MEI1: variants seen among roughly 807,000 people sequenced by gnomAD.
MEI1 encodes the protein meiosis inhibitor protein 1.
In MEI1, 103 loss-of-function variants were observed where a neutral mutation model predicts 146.2. The ratio of observed to expected loss-of-function variants is 0.70; its 90% CI spans 0.60 to 0.83. The LOEUF (loss-of-function observed/expected upper bound fraction) is 0.83. Ranked by LOEUF, MEI1 falls within the 40% of genes least tolerant of loss-of-function variation. The probability of loss-of-function intolerance (pLI) is 0.00; values close to 1 mark genes in which losing one functional copy is unlikely to be tolerated. For missense variants in MEI1, 1,529 were observed against 1,533.0 expected (o/e 1.00, Z 0.04); for synonymous variants, 652 against 628.2 (o/e 1.04, Z -0.57).
intron 20 of MEI1, among the ~76,000 whole-genome samples, chr22:41,771,266 A>G (rs1375502840): frequency 6.6e-6 from 1 of 152,182 alleles, no homozygotes; most frequent in Non-Finnish European, 1.5e-5. Context: ...CCTCCCTGTC[A>G]TCTCTCAAGC....
intron 16 of MEI1, among the ~76,000 whole-genome samples, chr22:41,753,250 C>T (rs1182088435): frequency 5.9e-5 from 9 of 152,104 alleles, no homozygotes; most frequent in African/African-American, 1.9e-4. Context: ...GATCCGCCCG[C>T]CTTGGCCTCC....
intron 9 of MEI1, among the ~76,000 whole-genome samples, 153 bp downstream of exon 9, chr22:41,730,790 A>G (rs1480397807): frequency 6.6e-6 from 1 of 152,140 alleles, no homozygotes. Flanking sequence ...CAGATTTCAT[A>G]TGCAAGTATT....
intron 5 of MEI1, 93 bp downstream of exon 5, chr22:41,716,239 A>G: frequency 1.2e-6 from 1 of 826,434 alleles, no homozygotes; most frequent in Non-Finnish European, 2.0e-6. Context: ...ACACCTGGGA[A>G]GTCATTACTT....
At chr22:41,796,586 A>C (rs999669393) in intron 30 of MEI1, among the ~76,000 whole-genome samples, 1 of 152,138 alleles carries the variant, frequency 6.6e-6, no homozygotes, top group African/African-American at 2.4e-5. Context: ...TAGAAATCCA[A>C]AGTGCTCCAA....
At chr22:41,709,635 G>A (rs1192075175) in intron 3 of MEI1, 1 of 385,592 alleles carries the variant, frequency 2.6e-6, no homozygotes, top group East Asian at 6.6e-5. Context: ...GGTTGCTGAT[G>A]TTTTTCATTA....
chr22:41,714,281 A>G (rs2069886606), intron 4 of MEI1, among the ~76,000 whole-genome samples: 1 of 151,980 alleles, frequency 6.6e-6, no homozygotes, highest in Non-Finnish European at 1.5e-5. Flanking sequence ...TTCCCCTTTC[A>G]ATCTCCCAAA....
intron 26 of MEI1, among the ~76,000 whole-genome samples, chr22:41,792,201 G>A (rs958536994): frequency 3.3e-5 from 5 of 152,166 alleles, no homozygotes; most frequent in Non-Finnish European, 7.3e-5. Context: ...TGACAGTGAA[G>A]CCTAAGCTAG....
intron 20 of MEI1, among the ~76,000 whole-genome samples, chr22:41,773,008 A>G (rs898730584): frequency 6.6e-6 from 1 of 152,238 alleles, no homozygotes; most frequent in Non-Finnish European, 1.5e-5. Context: ...GTGCTAGGCC[A>G]CTAACTTCAC....
In MEI1 at chr22:41,729,567, C is replaced by T. The variant is rs920622472; in HGVS notation, c.865-98C>T. 4.2e-5 allele frequency: 31 copies of T among 738,408 alleles called. No homozygotes were observed. The African/African-American group carries it at 5.0e-4, about 12-fold the overall frequency. 45.7% of individuals were successfully genotyped at this position (738,408 alleles called of 1,614,324 possible). On this transcript the variant is annotated intron_variant, in intron 7 of 30. Transcript: ENST00000401548. ...TGGTGCCATGTGGGACAGGAAGGAT[C>T]GAAAATGAATTAGGCTATTGCCCTG...
At chr22:41,786,036 G>C (rs1382827889) in intron 26 of MEI1, among the ~76,000 whole-genome samples, 6 of 145,998 alleles carry the variant, frequency 4.1e-5, no homozygotes, top group African/African-American at 7.6e-5. Flanking sequence ...TCAGCCTCCC[G>C]AGTAGCTGGG....
At chr22:41,748,620 T>A (rs1270168076) in intron 15 of MEI1, among the ~76,000 whole-genome samples, 2 of 152,186 alleles carry the variant, frequency 1.3e-5, no homozygotes, top group African/African-American at 4.8e-5. Flanking sequence ...GTGAGACTGT[T>A]TTAAGTGCTT....
chr22:41,770,776 C>T lies in MEI1; in HGVS notation c.2359C>T (p.Leu787=), dbSNP rs754480653. The T allele has an allele frequency of 6.2e-7, 1 of 1,613,956 alleles. No homozygotes were observed. The highest frequency in any genetic ancestry group is 1.1e-5 in the South Asian group (1 of 91,076). Reference sequence around the variant, plus strand: ...CCATCCGCTCCTGCTCAGGTTCTTTCTGTTGTATCCAGAGCTCATGAGTAG... The same window carrying T: ...CCATCCGCTCCTGCTCAGGTTCTTTTTGTTGTATCCAGAGCTCATGAGTAG... The part of the protein sequence containing the change: ...THHPLLLRFF[L]LYPELMSRYG... Residue 787 remains leucine (L), a synonymous_variant, in exon 20 of 31, where the codon CTG becomes TTG. Coordinates refer to ENST00000401548, the MANE Select transcript of MEI1 (RefSeq NM_152513.4).
At chr22:41,729,849 A>G (rs2071702225) in intron 8 of MEI1, 70 bp downstream of exon 8, 3 of 941,770 alleles carry the variant, frequency 3.2e-6, no homozygotes, top group Admixed American at 2.9e-5. Flanking sequence ...TCAATTGTGT[A>G]TGACAGACCC....
At chr22:41,761,422 C>T (rs974904270) in intron 18 of MEI1, among the ~76,000 whole-genome samples, 1 of 150,610 alleles carries the variant, frequency 6.6e-6, no homozygotes, top group Admixed American at 6.6e-5. Context: ...TCACGCCATT[C>T]TCCTGCCTCA....
chr22:41,764,977 C>G (rs1383911538), intron 19 of MEI1, among the ~76,000 whole-genome samples: 1 of 151,970 alleles, frequency 6.6e-6, no homozygotes, highest in Non-Finnish European at 1.5e-5. Context: ...ATGTTCATGA[C>G]CTGAGAAGCC....
In MEI1 at chr22:41,778,708, C is replaced by T; in HGVS notation, c.2711C>T (p.Ala904Val). The T allele has an allele frequency of 1.3e-6, 2 of 1,597,674 alleles. No homozygotes were observed. The highest frequency in any genetic ancestry group is 1.7e-6 in the Non-Finnish European group (2 of 1,172,280). The stretch of plus-strand genomic sequence containing the variant: ...GCCCAGTCCTCCTTGTTCTTCACAG[C>T]CTCGGGGAACCTACCATTGCTGCTG... ...LVEHGASPSG[A>V]SGNLPLLLSL... The change falls in exon 22 of 31, where the codon GCC becomes GTC. Residue 904 changes from alanine to valine, a missense_variant and splice_region_variant. By Grantham distance (64) the Ala-to-Val change is moderately conservative (BLOSUM62 0). This residue lies in a region of MEI1 where 1,212 missense variants were observed against 1,178.9 expected (regional missense o/e 1.03). Transcript: ENST00000401548.
chr22:41,798,709 A>G (rs549987303), intron 30 of MEI1, among the ~76,000 whole-genome samples: 5 of 151,820 alleles, frequency 3.3e-5, no homozygotes, highest in Admixed American at 2.6e-4. Context: ...CTCTACTAAA[A>G]ATACAAAAAT....
Position 41,781,674 on chromosome 22 carries a change from A to G in MEI1, c.2927-11A>G, listed in dbSNP as rs1243153844. ...AACTCCTGTGGGCCCTGCCTTGCCC[A>G]CCCCCGACAGCTGCTGCAGTGCTCC... is the stretch of plus-strand genomic sequence containing the variant. On this transcript the variant is annotated splice_polypyrimidine_tract_variant and intron_variant, in intron 23 of 30. Coordinates refer to ENST00000401548, the MANE Select transcript of MEI1 (RefSeq NM_152513.4). 6.2e-7 allele frequency: 1 copy of G among 1,610,742 alleles called. No individual in the cohort carries two copies. Among genetic ancestry groups the G allele is most frequent in the Non-Finnish European group, 8.5e-7 (1 of 1,178,604 alleles).
Position 41,744,985 on chromosome 22 carries a change from A to C in MEI1, c.1459A>C (p.Ser487Arg), listed in dbSNP as rs376286302. The change falls in exon 13 of 31, where the codon AGT becomes CGT. Residue 487 changes from serine to arginine, a missense_variant. By Grantham distance (110) the Ser-to-Arg change is moderately radical. Transcript: ENST00000401548. The part of the protein sequence containing the change: ...LSRRPLGHAS[S>R]RDSEKAILQR... ...CTTCCCACCTCAGGGCCATGCCTCCAGTAGAGATTCAGAGAAGGCCATTCT... is the reference window on the plus strand; with the variant it reads ...CTTCCCACCTCAGGGCCATGCCTCCCGTAGAGATTCAGAGAAGGCCATTCT... 10 of 1,556,868 alleles carry C rather than the reference A, an allele frequency of 6.4e-6. No individual in the cohort carries two copies. The highest frequency in any genetic ancestry group is 7.8e-6 in the Non-Finnish European group (9 of 1,149,580).
Sources: allele counts gnomAD v4.1 joint callset (sites outside exome capture counted in the v4.1 genomes callset), GRCh38; gene constraint gnomAD v4.1.1; regional missense constraint gnomAD v4.1.1; transcripts MANE v1.5; gene names NCBI Gene and HGNC (gene_info 2026-07-23, HGNC 2026-07-21).